The following TMPPE variants were observed in gnomAD, a reference collection of about 807,000 sequenced individuals.
The protein encoded by TMPPE is transmembrane protein with metallophosphoesterase domain.
Under a neutral mutation model 22.6 loss-of-function variants are expected in TMPPE, and 16 were observed. That is an observed-to-expected ratio of 0.71 (90% CI 0.48 to 1.08). TMPPE has a LOEUF of 1.08. Among genes scored for constraint, TMPPE ranks in the 50% least tolerant of loss-of-function variants. The pLI, the probability that TMPPE is intolerant of heterozygous loss-of-function variation, is 0.00. For synonymous variants in TMPPE, 240 were observed against 245.3 expected, an observed-to-expected ratio of 0.98 and a Z score of 0.20; for missense variants, 526 against 584.3, an observed-to-expected ratio of 0.90 and a Z score of 1.03.
In TMPPE at chr3:33,093,346, C is replaced by A. The variant is rs751403656; in HGVS notation, c.850G>T (p.Asp284Tyr). 1 of 1,614,206 alleles carries A rather than the reference C, an allele frequency of 6.2e-7. No individual in the cohort carries two copies. The highest frequency in any genetic ancestry group is 8.5e-7 in the Non-Finnish European group (1 of 1,180,044). ...AGAAGTGCAAACCAGTTGCTGACATCTGACGTGTAGTACTCATGATTGCCT... is the reference window on the plus strand; with the variant it reads ...AGAAGTGCAAACCAGTTGCTGACATATGACGTGTAGTACTCATGATTGCCT... ...VTGNHEYYTSDVSNWFALLES... is the reference protein window; with the variant it reads ...VTGNHEYYTSYVSNWFALLES... The change falls in exon 2 of 2, where the codon GAT (aspartate) becomes TAT (tyrosine). Residue 284 changes from aspartate to tyrosine, a missense_variant. Physicochemically the swap from Asp to Tyr is radical, Grantham distance 160. Coordinates refer to ENST00000342462, the MANE Select transcript of TMPPE (RefSeq NM_001039770.3). The surrounding 1 kb of genome is among the most constrained non-coding windows in gnomAD (Gnocchi z 6.0).
At position 33,090,962 on chromosome 3, in the gene TMPPE, T is replaced by A. The variant is rs1700734211; in HGVS notation, c.*1872A>T. ...TAGGACTTAATGAAAGCTAATTTCA[T>A]CAAGCCCAGGTCACTGATGAGAAAG... On this transcript the variant is annotated 3_prime_UTR_variant, in exon 2 of 2. Coordinates refer to ENST00000342462, the MANE Select transcript of TMPPE (RefSeq NM_001039770.3). 2 of 985,134 alleles carry A rather than the reference T, an allele frequency of 2.0e-6. No homozygotes were observed. Among genetic ancestry groups the A allele is most frequent in the Non-Finnish European group, 2.4e-6 (2 of 829,898 alleles). The allele number at this position is 985,134 out of a possible 1,614,324, so 61.0% of individuals were successfully genotyped here. A position where few individuals can be genotyped will look rare whatever the true frequency, so the allele number is the denominator to read the frequency against.
Position 33,091,168 on chromosome 3 carries a change from G to C in TMPPE, c.*1666C>G. ...TCGGGACACAAGAAAAGTGAGTTTG[G>C]AAGGACAGTGAAGAGAGAAAAAAGA... On this transcript the variant is annotated 3_prime_UTR_variant, in exon 2 of 2. Coordinates refer to ENST00000342462, the MANE Select transcript of TMPPE (RefSeq NM_001039770.3). The C allele has an allele frequency of 1.0e-6, 1 of 985,440 alleles. No homozygotes were observed. The highest frequency in any genetic ancestry group is 1.2e-6 in the Non-Finnish European group (1 of 829,962). 61.0% of individuals were successfully genotyped at this position (985,440 alleles called of 1,614,324 possible).
rs1575498054 is a variant in TMPPE at position 33,091,581 on chromosome 3, T to C, written c.*1253A>G. The C allele has an allele frequency of 1.0e-6, 1 of 985,070 alleles. No homozygotes were observed. Among genetic ancestry groups the C allele is most frequent in the Non-Finnish European group, 1.2e-6 (1 of 829,552 alleles). The allele number at this position is 985,070 out of a possible 1,614,324, so 61.0% of individuals were successfully genotyped here. On this transcript the variant is annotated 3_prime_UTR_variant, in exon 2 of 2. Coordinates refer to ENST00000342462, the MANE Select transcript of TMPPE (RefSeq NM_001039770.3). ...TGTTTACTGTGCACGCTGTGCCATG[T>C]GGAACTCATGCACAAGGCTTGATGG...
chr3:33,096,915 GC>G lies in TMPPE; in HGVS notation c.-306del. The stretch of plus-strand genomic sequence containing the variant: ...GGGCACTTCGGGGCTCAGGCTCCCC[GC>G]CCTGCGGGACCGCGGGTGGCTGCGA... On this transcript the variant is annotated 5_prime_UTR_variant, in exon 1 of 2. Coordinates refer to ENST00000342462, the MANE Select transcript of TMPPE (RefSeq NM_001039770.3). 1.3e-6 allele frequency: 2 copies of G among 1,530,584 alleles called. No individual in the cohort carries two copies. The highest frequency in any genetic ancestry group is 1.8e-6 in the Non-Finnish European group (2 of 1,138,380). The allele number at this position is 1,530,584 out of a possible 1,614,324, so 94.8% of individuals were successfully genotyped here. A position where few individuals can be genotyped will look rare whatever the true frequency, so the allele number is the denominator to read the frequency against.
At position 33,091,989 on chromosome 3, in the gene TMPPE, T is replaced by C. The variant is rs1700783117; in HGVS notation, c.*845A>G. ...CCTACATATCTTGTCATACTGCCTGTGCCCTATCTCTCTTTGCCTTGGTTT... is the reference window on the plus strand; with the variant it reads ...CCTACATATCTTGTCATACTGCCTGCGCCCTATCTCTCTTTGCCTTGGTTT... On this transcript the variant is annotated 3_prime_UTR_variant, in exon 2 of 2. Transcript: ENST00000342462. 1.0e-6 allele frequency: 1 copy of C among 983,762 alleles called. No homozygotes were observed. Among genetic ancestry groups the C allele is most frequent in the Admixed American group, 6.1e-5 (1 of 16,274 alleles). 60.9% of individuals were successfully genotyped at this position (983,762 alleles called of 1,614,324 possible). A position where few individuals can be genotyped will look rare whatever the true frequency, so the allele number is the denominator to read the frequency against.
Position 33,090,692 on chromosome 3 carries a change from A to T in TMPPE, c.*2142T>A, listed in dbSNP as rs1402733412. On this transcript the variant is annotated 3_prime_UTR_variant, in exon 2 of 2. Coordinates refer to ENST00000342462, the MANE Select transcript of TMPPE (RefSeq NM_001039770.3). ...TCATGGAGACCTGCCCACCAGGGCC[A>T]GAATCTGGACAGTGATGGAGAAATT... 3.0e-6 allele frequency: 3 copies of T among 985,352 alleles called. No homozygotes were observed. In the African/African-American group the frequency reaches 5.2e-5, roughly 17 times the overall value. 61.0% of individuals were successfully genotyped at this position (985,352 alleles called of 1,614,324 possible). A position where few individuals can be genotyped will look rare whatever the true frequency, so the allele number is the denominator to read the frequency against.
chr3:33,091,126 T>A lies in TMPPE; in HGVS notation c.*1708A>T. 1.0e-6 allele frequency: 1 copy of A among 985,330 alleles called. No individual in the cohort carries two copies. Among genetic ancestry groups the A allele is most frequent in the Non-Finnish European group, 1.2e-6 (1 of 829,940 alleles). The allele number at this position is 985,330 out of a possible 1,614,324, so 61.0% of individuals were successfully genotyped here. A position where few individuals can be genotyped will look rare whatever the true frequency, so the allele number is the denominator to read the frequency against. Reference sequence around the variant, plus strand: ...AGCGAGAACTTAAAGGGAGTAAGGATGATTCACAAAATGCGGTCGGGACAC... The same window carrying A: ...AGCGAGAACTTAAAGGGAGTAAGGAAGATTCACAAAATGCGGTCGGGACAC... On this transcript the variant is annotated 3_prime_UTR_variant, in exon 2 of 2. Transcript: ENST00000342462.
rs1039375412 is a variant in TMPPE, at chr3:33,092,540, G to T, written c.*294C>A. On this transcript the variant is annotated 3_prime_UTR_variant, in exon 2 of 2. Coordinates refer to ENST00000342462, the MANE Select transcript of TMPPE (RefSeq NM_001039770.3). ...GAGGTTCATCCCTGGGAGCTCTGCA[G>T]GAGAAGGTCCCCATTCCACATCATC... The T allele has an allele frequency of 9.5e-6, 11 of 1,163,706 alleles. No individual in the cohort carries two copies. The highest frequency in any genetic ancestry group is 4.1e-5 in the Admixed American group (1 of 24,334). The allele number at this position is 1,163,706 out of a possible 1,614,324, so 72.1% of individuals were successfully genotyped here.
intron 1 of TMPPE, among the ~76,000 whole-genome samples, chr3:33,095,936 T>G (rs1701006808): frequency 6.6e-6 from 1 of 152,176 alleles, no homozygotes; most frequent in Non-Finnish European, 1.5e-5. Context: ...GCAAATAATC[T>G]GTGCTGACTT....
chr3:33,096,367 C>G, intron 1 of TMPPE: 1 of 981,906 alleles, frequency 1.0e-6, no homozygotes, highest in Non-Finnish European at 1.2e-6. Context: ...CTGCCCCGAT[C>G]AACGATGGCA....
rs1700784729 is a variant in TMPPE, at chr3:33,092,028, T to C, written c.*806A>G. On this transcript the variant is annotated 3_prime_UTR_variant, in exon 2 of 2. Coordinates refer to ENST00000342462, the MANE Select transcript of TMPPE (RefSeq NM_001039770.3). The stretch of plus-strand genomic sequence containing the variant: ...TTGCCTTGGTTTCCTTATCTCCAAA[T>C]AGGGAAAAGCAGCCTGTCCCCAGTG... The C allele has an allele frequency of 1.4e-5, 14 of 984,976 alleles. No homozygotes were observed. The highest frequency in any genetic ancestry group is 1.7e-5 in the Non-Finnish European group (14 of 829,544). 61.0% of individuals were successfully genotyped at this position (984,976 alleles called of 1,614,324 possible).
rs1700733000 is a variant in TMPPE, at chr3:33,090,945, A to C, written c.*1889T>G. The C allele has an allele frequency of 2.0e-6, 2 of 985,266 alleles. No homozygotes were observed. The highest frequency in any genetic ancestry group is 3.5e-5 in the African/African-American group (2 of 57,220). 61.0% of individuals were successfully genotyped at this position (985,266 alleles called of 1,614,324 possible). On this transcript the variant is annotated 3_prime_UTR_variant, in exon 2 of 2. Transcript: ENST00000342462. The stretch of plus-strand genomic sequence containing the variant: ...CAAAATTAAAAAAAAAATAGGACTT[A>C]ATGAAAGCTAATTTCATCAAGCCCA...
rs758756463 is a variant in TMPPE at position 33,093,055 on chromosome 3, G to A, written c.1141C>T (p.Arg381Trp). 3 of 1,614,190 alleles carry A rather than the reference G, an allele frequency of 1.9e-6. No individual in the cohort carries two copies. The highest frequency in any genetic ancestry group is 2.2e-5 in the East Asian group (1 of 44,882). Residue 381 changes from arginine to tryptophan, a missense_variant, in exon 2 of 2, where the codon CGG (arginine) becomes TGG (tryptophan). By Grantham distance (101) the Arg-to-Trp change is moderately radical. Coordinates refer to ENST00000342462, the MANE Select transcript of TMPPE (RefSeq NM_001039770.3). This position sits in a 1 kb window ranked among gnomAD's most constrained non-coding sequence, Gnocchi z 6.0. ...PLAAKRALQA[R>W]PDINLILSGH... Reference sequence around the variant, plus strand: ...GAAAGGATCAGGTTAATATCTGGCCGAGCCTGGAGAGCTCTCTTGGCAGCC... The same window carrying A: ...GAAAGGATCAGGTTAATATCTGGCCAAGCCTGGAGAGCTCTCTTGGCAGCC...
At chr3:33,095,210 C>CA (rs71630565) in intron 1 of TMPPE, among the ~76,000 whole-genome samples, 2,831 of 75,632 alleles carry the variant, frequency 0.037, 48 homozygotes, top group African/African-American at 0.051. Context: ...GACTCTGTCT[C>CA]AAAAAAAAAA....
rs753674336 is a variant in TMPPE at position 33,093,089 on chromosome 3, G to A, written c.1107C>T (p.His369=). 6.2e-7 allele frequency: 1 copy of A among 1,614,106 alleles called. No homozygotes were observed. The highest frequency in any genetic ancestry group is 1.3e-5 in the African/African-American group (1 of 74,940). ...SPDHTIILLA[H]QPLAAKRALQ... ...GAGCTCTCTTGGCAGCCAGGGGCTG[G>A]TGAGCTAGCAAGATGATTGTGTGGT... Residue 369 remains histidine, a synonymous_variant, in exon 2 of 2, where the codon CAC becomes CAT. Coordinates refer to ENST00000342462, the MANE Select transcript of TMPPE (RefSeq NM_001039770.3). This position sits in a 1 kb window ranked among gnomAD's most constrained non-coding sequence, Gnocchi z 6.0.
rs1253393345 is a variant in TMPPE, at chr3:33,091,373, CAT to C, written c.*1459_*1460del. 17 of 985,366 alleles carry C rather than the reference CAT, an allele frequency of 1.7e-5. No individual in the cohort carries two copies. Among genetic ancestry groups the C allele is most frequent in the Admixed American group, 6.2e-5 (1 of 16,258 alleles). 61.0% of individuals were successfully genotyped at this position (985,366 alleles called of 1,614,324 possible). ...AACCCCCTTTGCCTGCCAGAATGCA[CAT>C]GAGGGAAGGAAGGCAAACCCCTAGC... On this transcript the variant is annotated 3_prime_UTR_variant, in exon 2 of 2. Coordinates refer to ENST00000342462, the MANE Select transcript of TMPPE (RefSeq NM_001039770.3).
chr3:33,095,080 G>A (rs1292797475), intron 1 of TMPPE, among the ~76,000 whole-genome samples: 2 of 151,924 alleles, frequency 1.3e-5, no homozygotes, highest in African/African-American at 4.8e-5. Flanking sequence ...GCATGGTGGT[G>A]GATGCATGTA....
intron 1 of TMPPE, 46 bp downstream of exon 1, chr3:33,096,673 T>C (rs1333193825): frequency 7.9e-6 from 9 of 1,139,068 alleles, no homozygotes; most frequent in Non-Finnish European, 9.7e-6. Context: ...CCGCGCAACT[T>C]GGAATCCCCT....
chr3:33,093,525 G>C lies in TMPPE; in HGVS notation c.671C>G (p.Thr224Ser). The change falls in exon 2 of 2, where the codon ACC becomes AGC. Residue 224 changes from threonine (T) to serine (S), a missense_variant. Thr to Ser is a moderately conservative substitution (Grantham distance 58). Coordinates refer to ENST00000342462, the MANE Select transcript of TMPPE (RefSeq NM_001039770.3). The surrounding 1 kb of genome is among the most constrained non-coding windows in gnomAD (Gnocchi z 6.0). ...DIHLGPTVGR[T>S]KMEMFVRMVN... is the part of the protein sequence containing the mutation. ...CATCCTCACAAACATTTCCATCTTG[G>C]TCCTGCCCACTGTGGGGCCCAAGTG... The C allele has an allele frequency of 6.2e-7, 1 of 1,614,178 alleles. No individual in the cohort carries two copies. The highest frequency in any genetic ancestry group is 8.5e-7 in the Non-Finnish European group (1 of 1,180,038).
Sources: gnomAD v4.1 joint callset for allele counts (sites outside exome capture counted in the v4.1 genomes callset) on GRCh38, gnomAD v4.1.1 for gene constraint, Gnocchi (gnomAD v3.1) non-coding constraint, MANE v1.5 for transcripts, NCBI Gene and HGNC (gene_info 2026-07-23, HGNC 2026-07-21) for gene names.